Variants in NFX1 observed in about 807,000 individuals in gnomAD.
The protein encoded by NFX1 is nuclear transcription factor, X-box binding 1, also known as transcriptional repressor NF-X1.
Under a neutral mutation model 137.2 loss-of-function variants are expected in NFX1, and 69 were observed. The ratio of observed to expected loss-of-function variants is 0.50; its 90% CI spans 0.41 to 0.61. The LOEUF (loss-of-function observed/expected upper bound fraction) is 0.61, where lower values mean the gene tolerates loss of function less well. Among genes scored for constraint, NFX1 ranks in the 20% least tolerant of loss-of-function variants. The pLI is 0.00. For missense variants in NFX1, 1,167 were observed against 1,391.0 expected (o/e 0.84, Z 2.56); for synonymous variants, 495 against 474.1 (o/e 1.04, Z -0.57).
chr9:33,356,944 A>T (rs960119903), intron 19 of NFX1, among the ~76,000 whole-genome samples: 1 of 150,646 alleles, frequency 6.6e-6, no homozygotes, highest in Non-Finnish European at 1.5e-5. Context: ...GTGAGCCATG[A>T]TCACCAGTCT....
chr9:33,304,221 C>T (rs1467774785), intron 4 of NFX1, among the ~76,000 whole-genome samples: 1 of 152,126 alleles, frequency 6.6e-6, no homozygotes, highest in Non-Finnish European at 1.5e-5. Flanking sequence ...AAGATCATGC[C>T]ATTGCACTCC....
At chr9:33,358,326 A>T (rs1353719679) in intron 19 of NFX1, among the ~76,000 whole-genome samples, 3 of 152,046 alleles carry the variant, frequency 2.0e-5, no homozygotes, top group Admixed American at 6.6e-5. Flanking sequence ...GTGTTTCACC[A>T]TGTTAGCCAG....
chr9:33,330,990 C>T (rs1822785482), intron 10 of NFX1, among the ~76,000 whole-genome samples: 1 of 151,834 alleles, frequency 6.6e-6, no homozygotes, highest in South Asian at 2.1e-4. Context: ...CATGGTGAAA[C>T]CCCGTCTCTA....
At chr9:33,322,690 C>G (rs1822431659) in intron 9 of NFX1, among the ~76,000 whole-genome samples, 2 of 152,168 alleles carry the variant, frequency 1.3e-5, no homozygotes, top group South Asian at 4.1e-4. Flanking sequence ...TACTATCCCA[C>G]CCAGCACCCA....
At position 33,294,919 on chromosome 9, in the gene NFX1, A is replaced by G. The variant is rs1394356976; in HGVS notation, c.525A>G (p.Val175=). 1 of 1,614,164 alleles carries G rather than the reference A, an allele frequency of 6.2e-7. No homozygotes were observed. The highest frequency in any genetic ancestry group is 2.2e-5 in the East Asian group (1 of 44,876). Residue 175 remains valine (V), a synonymous_variant, in exon 2 of 24, where the codon GTA becomes GTG. Transcript: ENST00000379540. The part of the protein sequence containing the change: ...GAKPKKATQF[V]YSYGRGPKVK... ...AACCCAAAAAAGCAACACAGTTTGTATACAGCTATGGTAGAGGACCAAAAG... is the reference window on the plus strand; with the variant it reads ...AACCCAAAAAAGCAACACAGTTTGTGTACAGCTATGGTAGAGGACCAAAAG...
rs201756744 is a variant in NFX1 at position 33,367,628 on chromosome 9, C to T, written c.3290+9C>T. 5.0e-4 allele frequency: 801 copies of T among 1,612,568 alleles called. 1 individual carries two copies. The highest frequency in any genetic ancestry group is 1.8e-3 in the South Asian group (165 of 90,980). On this transcript the variant is annotated intron_variant, in intron 23 of 23. Transcript: ENST00000379540. ...AGACATCAGTCAGACAAGTAAGATTCTCCAGCTGCTTTCCAAGGGGACCTG... is the reference window on the plus strand; with the variant it reads ...AGACATCAGTCAGACAAGTAAGATTTTCCAGCTGCTTTCCAAGGGGACCTG...
At chr9:33,292,377 ACT>A (rs1437450009) in intron 1 of NFX1, among the ~76,000 whole-genome samples, 3 of 152,086 alleles carry the variant, frequency 2.0e-5, no homozygotes, top group Non-Finnish European at 1.5e-5. Flanking sequence ...CGGTGAGCAG[ACT>A]CTGCAATGCC....
intron 11 of NFX1, among the ~76,000 whole-genome samples, chr9:33,337,354 C>T (rs1823044254): frequency 6.6e-6 from 1 of 152,032 alleles, no homozygotes; most frequent in African/African-American, 2.4e-5. Context: ...GGAGGGTGTG[C>T]ATAGGTTATA....
chr9:33,369,252 A>G (rs971686309), intron 23 of NFX1, among the ~76,000 whole-genome samples: 2 of 152,030 alleles, frequency 1.3e-5, no homozygotes, highest in Non-Finnish European at 2.9e-5. Flanking sequence ...TTTTTAGTAG[A>G]AACGGGGTTT....
chr9:33,367,460 C>T (rs2118708952), intron 22 of NFX1, 55 bp from the exon 23 acceptor site: 2 of 1,566,058 alleles, frequency 1.3e-6, no homozygotes, highest in Non-Finnish European at 1.8e-6. Context: ...AGCTTTCTGT[C>T]CATCTCCACA....
chr9:33,327,567 A>G (rs1387660779), intron 9 of NFX1, among the ~76,000 whole-genome samples: 1 of 151,994 alleles, frequency 6.6e-6, no homozygotes, highest in Non-Finnish European at 1.5e-5. Context: ...GGGTTTCACC[A>G]TGTTGGTCAG....
chr9:33,318,335 A>G (rs781447908), intron 7 of NFX1, among the ~76,000 whole-genome samples: 16 of 152,186 alleles, frequency 1.1e-4, no homozygotes, highest in African/African-American at 1.4e-4. Flanking sequence ...TAGCTTGTCT[A>G]TCTCCTGTAA....
At chr9:33,299,031 T>A (rs988434220) in intron 2 of NFX1, among the ~76,000 whole-genome samples, 6 of 152,196 alleles carry the variant, frequency 3.9e-5, no homozygotes, top group Non-Finnish European at 2.9e-5. Context: ...GAAAAAGGTG[T>A]TTGTCTGTAA....
chr9:33,301,470 T>C (rs766329824), intron 3 of NFX1, 49 bp downstream of exon 3: 1 of 1,559,452 alleles, frequency 6.4e-7, no homozygotes, highest in Non-Finnish European at 8.7e-7. Context: ...ATTTGATACG[T>C]TTAAGTATTA....
chr9:33,297,509 T>G (rs1821399978), intron 2 of NFX1, among the ~76,000 whole-genome samples: 1 of 152,240 alleles, frequency 6.6e-6, no homozygotes. Context: ...ATGCCACTGT[T>G]TCTGTGGGTC....
intron 15 of NFX1, among the ~76,000 whole-genome samples, chr9:33,349,693 G>T (rs578126447): frequency 4.9e-4 from 75 of 152,222 alleles, no homozygotes; most frequent in African/African-American, 1.6e-3. Context: ...AAAAGAATTG[G>T]GGGTTCTATC....
rs953573519 is a variant in NFX1 at position 33,349,582 on chromosome 9, C to A, written c.2425-1978C>A. ...TGCAGTAGAAGTATATCCCTCATTT[C>A]GAGGGTTCAAGACTAGCCTTTGGTC... On this transcript the variant is annotated intron_variant, in intron 15 of 23. Transcript: ENST00000379540. Among the ~76,000 whole-genome samples, 4 of 151,952 alleles carry A rather than the reference C, an allele frequency of 2.6e-5. 1 individual carries two copies. In the South Asian group the frequency reaches 8.3e-4, roughly 32 times the overall value.
At position 33,364,711 on chromosome 9, in the gene NFX1, G is replaced by A. The variant is rs1824118904; in HGVS notation, c.2976G>A (p.Lys992=). Residue 992 remains lysine, a synonymous_variant, in exon 21 of 24, where the codon AAG becomes AAA. Transcript: ENST00000379540. The part of the protein sequence containing the change: ...FSDSLKEDAR[K]DLKFVSDVEK... ...AACTGGTGATTTCTCATTTCAGGAA[G>A]GACTTAAAGTTTGTCAGTGACGTTG... 6.2e-7 allele frequency: 1 copy of A among 1,613,252 alleles called. No homozygotes were observed. Among genetic ancestry groups the A allele is most frequent in the Admixed American group, 1.7e-5 (1 of 59,922 alleles).
rs369380208 is a variant in NFX1 at position 33,358,121 on chromosome 9, T to C, written c.2873+3229T>C. On this transcript the variant is annotated intron_variant, in intron 19 of 23. Transcript: ENST00000379540. ...GCTATAGATGGGTTTATTTTTCTTG[T>C]ATTACTTGTAATTTTTTTTTTGAGA... Among the ~76,000 whole-genome samples, 18 of 152,282 alleles carry C rather than the reference T, an allele frequency of 1.2e-4. No homozygotes were observed. The East Asian group carries it at 3.3e-3, about 28-fold the overall frequency.
Sources: allele counts gnomAD v4.1 joint callset (sites outside exome capture counted in the v4.1 genomes callset), GRCh38; gene constraint gnomAD v4.1.1; transcripts MANE v1.5; gene names NCBI Gene and HGNC (gene_info 2026-07-23, HGNC 2026-07-21).